Variants in NCOA1 observed in about 807,000 individuals in gnomAD.
NCOA1 encodes the protein Hin-2 protein.
NCOA1 carries 35 observed loss-of-function variants against 150.9 expected under a neutral mutation model. The ratio of observed to expected loss-of-function variants is 0.23; its 90% CI spans 0.18 to 0.31. The LOEUF is 0.31. Ranked by LOEUF, NCOA1 falls within the 10% of genes least tolerant of loss-of-function variation. NCOA1 has a pLI of 1.00. For synonymous variants in NCOA1, 590 were observed against 630.0 expected (o/e 0.94, Z 0.95); for missense variants, 1,491 against 1,749.3 (o/e 0.85, Z 2.63).
chr2:24,520,699 A>G (rs1664381437), intron 1 of NCOA1, among the ~76,000 whole-genome samples: 1 of 152,224 alleles, frequency 6.6e-6, no homozygotes. Context: ...TTATTGGTGT[A>G]TACATGTGTC....
chr2:24,642,554 A>G (rs1043210653), intron 3 of NCOA1, among the ~76,000 whole-genome samples: 3 of 152,052 alleles, frequency 2.0e-5, no homozygotes, highest in African/African-American at 7.2e-5. Flanking sequence ...AAGAGTATTG[A>G]TTTATCTTCT....
At chr2:24,506,487 G>A (rs964118690) in intron 1 of NCOA1, among the ~76,000 whole-genome samples, 3 of 152,074 alleles carry the variant, frequency 2.0e-5, no homozygotes, top group African/African-American at 7.2e-5. Context: ...ATAGAACTTT[G>A]GGACTCAATT....
intron 2 of NCOA1, among the ~76,000 whole-genome samples, chr2:24,576,163 GTTTTTTGTTTTTTTTTTTTT>G (rs1666964538): frequency 1.3e-4 from 12 of 92,734 alleles, no homozygotes; most frequent in Non-Finnish European, 1.9e-4. Flanking sequence ...TTTTTTTTTT[GTTTTTTGTTTTTTTTTTTTT>G]TTTTTTTTGT....
chr2:24,686,445 C>A (rs972346035), intron 8 of NCOA1, among the ~76,000 whole-genome samples: 1 of 152,120 alleles, frequency 6.6e-6, no homozygotes, highest in African/African-American at 2.4e-5. Context: ...AAAGAGGAAT[C>A]ATATGGTGAG....
chr2:24,637,114 G>C (rs1669972926), intron 3 of NCOA1, among the ~76,000 whole-genome samples: 1 of 149,272 alleles, frequency 6.7e-6, no homozygotes, highest in Admixed American at 6.7e-5. Context: ...TAAGTTTTAG[G>C]GTACATGTGC....
chr2:24,606,366 A>G (rs1668364671), intron 3 of NCOA1, among the ~76,000 whole-genome samples: 2 of 151,978 alleles, frequency 1.3e-5, no homozygotes, highest in South Asian at 4.1e-4. Context: ...CCTCCCAGGT[A>G]GCTGGGATTA....
intron 4 of NCOA1, 121 bp from the exon 5 acceptor site, chr2:24,658,540 T>TG (rs55807924): frequency 0.03 from 19,364 of 636,716 alleles, 492 homozygotes; most frequent in African/African-American, 0.1. Flanking sequence ...ATGGCTGTAA[T>TG]TATCTATTCA....
intron 3 of NCOA1, among the ~76,000 whole-genome samples, chr2:24,611,113 C>T (rs1224414993): frequency 2.0e-5 from 3 of 152,130 alleles, no homozygotes; most frequent in Non-Finnish European, 4.4e-5. Context: ...TCTCTCCCTC[C>T]CTGCTCTGTT....
intron 3 of NCOA1, among the ~76,000 whole-genome samples, chr2:24,613,810 G>A (rs1008063199): frequency 3.3e-5 from 5 of 152,154 alleles, no homozygotes; most frequent in African/African-American, 7.2e-5. Flanking sequence ...TGCTGATCCC[G>A]GTGAATGGGT....
chr2:24,506,404 C>A (rs895740566), intron 1 of NCOA1, among the ~76,000 whole-genome samples: 2 of 152,110 alleles, frequency 1.3e-5, no homozygotes, highest in African/African-American at 4.8e-5. Context: ...GATTTAATGG[C>A]TGAGCTGAAT....
Position 24,769,587 on chromosome 2 carries a change from A to G in NCOA1, c.*1196A>G. On this transcript the variant is annotated 3_prime_UTR_variant, in exon 23 of 23. Coordinates refer to ENST00000348332, the MANE Select transcript of NCOA1 (RefSeq NM_003743.5). ...TGTACAGAGAAAAAATTAATACTCA[A>G]AGGAAATCTTCATTTTTTAGATTGA... The G allele has an allele frequency of 4.9e-6, 1 of 203,850 alleles. No individual in the cohort carries two copies. Among genetic ancestry groups the G allele is most frequent in the Non-Finnish European group, 1.0e-5 (1 of 99,050 alleles). The allele number at this position is 203,850 out of a possible 1,614,324, so 12.6% of individuals were successfully genotyped here.
At chr2:24,522,920 G>A (rs528016282) in intron 1 of NCOA1, among the ~76,000 whole-genome samples, 1 of 152,274 alleles carries the variant, frequency 6.6e-6, no homozygotes, top group East Asian at 1.9e-4. Flanking sequence ...ATTGAGTATT[G>A]AGAATTATCT....
chr2:24,528,521 A>AT (rs905508691), intron 1 of NCOA1, among the ~76,000 whole-genome samples: 5 of 150,546 alleles, frequency 3.3e-5, no homozygotes, highest in Non-Finnish European at 5.9e-5. Flanking sequence ...TAATTTTTGT[A>AT]TTTTTTTGTA....
chr2:24,740,026 G>T (rs1039151336), intron 18 of NCOA1, among the ~76,000 whole-genome samples: 16 of 151,498 alleles, frequency 1.1e-4, no homozygotes, highest in African/African-American at 3.9e-4. Context: ...AAAGAACTAG[G>T]TGGACTTCTA....
In NCOA1 at chr2:24,764,939, T is replaced by C. The variant is rs540008022; in HGVS notation, c.4155+2163T>C. Among the ~76,000 whole-genome samples the C allele has an allele frequency of 2.6e-4, 39 of 152,280 alleles. No homozygotes were observed. The South Asian group carries it at 7.9e-3, about 31-fold the overall frequency. ...GCTTACACCTGTAATCCCAGCACTTTGGAAGCCTGAGGCAGGCAAATCATT... is the reference window on the plus strand; with the variant it reads ...GCTTACACCTGTAATCCCAGCACTTCGGAAGCCTGAGGCAGGCAAATCATT... On this transcript the variant is annotated intron_variant, in intron 22 of 22. Transcript: ENST00000348332.
rs1259008408 is a variant in NCOA1 at position 24,629,813 on chromosome 2, CATACATATATATATATATATAT to C, written c.-174-14149_-174-14128del. On this transcript the variant is annotated intron_variant, in intron 3 of 22. Transcript: ENST00000348332. ...GCCAGACACTGTTTTAAGTAACATACATACATATATATATATATATATATATATATATATGTATTTTTTTTTT... is the reference window on the plus strand; with the variant it reads ...GCCAGACACTGTTTTAAGTAACATACATATATATATATGTATTTTTTTTTT... Among the ~76,000 whole-genome samples the C allele has an allele frequency of 2.2e-3, 172 of 77,340 alleles. 10 individuals carry two copies. The highest frequency in any genetic ancestry group is 1.4e-3 in the Non-Finnish European group (57 of 41,544). The allele number at this position is 77,340 out of a possible 152,430, so 50.7% of individuals were successfully genotyped here.
At chr2:24,728,160 A>T in intron 15 of NCOA1, 148 bp from the exon 16 acceptor site, 1 of 533,868 alleles carries the variant, frequency 1.9e-6, no homozygotes, top group Non-Finnish European at 3.1e-6. Context: ...TCTACACATT[A>T]AACATAGAAC....
chr2:24,642,769 A>G lies in NCOA1; in HGVS notation c.-174-1197A>G, dbSNP rs566260646. Among the ~76,000 whole-genome samples the G allele has an allele frequency of 2.6e-5, 4 of 152,338 alleles. No individual in the cohort carries two copies. The South Asian group carries it at 8.3e-4, about 32-fold the overall frequency. On this transcript the variant is annotated intron_variant, in intron 3 of 22. Transcript: ENST00000348332. ...AAATGGTGAAAAAAACTGTGGCACAACTGTACCATGGAGCAATAAAAAGGA... is the reference window on the plus strand; with the variant it reads ...AAATGGTGAAAAAAACTGTGGCACAGCTGTACCATGGAGCAATAAAAAGGA...
At position 24,706,830 on chromosome 2, in the gene NCOA1, G is replaced by A. The variant is rs375543773; in HGVS notation, c.1360G>A (p.Ala454Thr). The A allele has an allele frequency of 1.9e-5, 30 of 1,614,022 alleles. No individual in the cohort carries two copies. In the African/African-American group the frequency reaches 2.3e-4, roughly 12 times the overall value. ...SPGSQIVANV[A>T]LNQGQASSQS... is the part of the protein sequence containing the mutation. ...CGGAAGTCAGATTGTAGCCAATGTT[G>A]CCTTAAACCAAGGACAGGCCAGTTC... The change falls in exon 13 of 23, where the codon GCC becomes ACC. Residue 454 changes from alanine to threonine, a missense_variant. This residue lies in a region of NCOA1 where 703 missense variants were observed against 717.7 expected (regional missense o/e 0.98). Coordinates refer to ENST00000348332, the MANE Select transcript of NCOA1 (RefSeq NM_003743.5).
Sources: gnomAD v4.1 joint callset for allele counts (sites outside exome capture counted in the v4.1 genomes callset) on GRCh38, gnomAD v4.1.1 for gene constraint, gnomAD v4.1.1 regional missense constraint, MANE v1.5 for transcripts, NCBI Gene and HGNC (gene_info 2026-07-23, HGNC 2026-07-21) for gene names.